PTPRD: variants seen among roughly 807,000 people sequenced by gnomAD.
PTPRD encodes receptor-type tyrosine-protein phosphatase delta.
Under a neutral mutation model 214.5 loss-of-function variants are expected in PTPRD, and 34 were observed. The observed-to-expected ratio is 0.16, with a 90% CI of 0.12 to 0.21. The LOEUF (loss-of-function observed/expected upper bound fraction) is 0.21. Among genes scored for constraint, PTPRD ranks in the 10% least tolerant of loss-of-function variants. The probability of loss-of-function intolerance (pLI) is 1.00; values close to 1 mark genes in which losing one functional copy is unlikely to be tolerated. For synonymous variants in PTPRD, 1,128 were observed against 845.7 expected, an observed-to-expected ratio of 1.33 and a Z score of -5.79; for missense variants, 2,545 against 2,398.7, an observed-to-expected ratio of 1.06 and a Z score of -1.27.
At chr9:9,664,180 A>T (rs1050826143) in intron 7 of PTPRD, among the ~76,000 whole-genome samples, 13 of 151,342 alleles carry the variant, frequency 8.6e-5, no homozygotes, top group African/African-American at 3.1e-4. Context: ...CTGGCTTTAA[A>T]ATTAAAATTA....
intron 5 of PTPRD, among the ~76,000 whole-genome samples, chr9:9,792,534 G>GA (rs2098975238): frequency 6.6e-6 from 1 of 151,966 alleles, no homozygotes; most frequent in African/African-American, 2.4e-5. Context: ...AGCCCTGGAG[G>GA]AAAAAATAGA....
At chr9:10,037,922 T>C (rs1359944997) in intron 3 of PTPRD, among the ~76,000 whole-genome samples, 1 of 152,168 alleles carries the variant, frequency 6.6e-6, no homozygotes, top group Non-Finnish European at 1.5e-5. Flanking sequence ...TTCAGTAATG[T>C]TCTCTCAAAA....
chr9:10,052,190 T>G (rs2097547273), intron 3 of PTPRD, among the ~76,000 whole-genome samples: 1 of 152,200 alleles, frequency 6.6e-6, no homozygotes, highest in South Asian at 2.1e-4. Context: ...CATTGTAATC[T>G]GATCTTCATA....
rs151169254 is a variant in PTPRD at position 9,280,025 on chromosome 9, G to A, written c.-202-96662C>T. ...GTTATTGGGTTGTTTCCAATGTACC[G>A]CAATTACAAACAATGCTTTAGCATA... On this transcript the variant is annotated intron_variant, in intron 9 of 45. Coordinates refer to ENST00000381196, the MANE Select transcript of PTPRD (RefSeq NM_002839.4). Among the ~76,000 whole-genome samples the A allele has an allele frequency of 6.3e-3, 948 of 151,288 alleles. 12 individuals carry two copies. The highest frequency in any genetic ancestry group is 0.022 in the African/African-American group (899 of 41,408).
intron 7 of PTPRD, among the ~76,000 whole-genome samples, chr9:9,642,000 G>T (rs1320187801): frequency 6.6e-6 from 1 of 151,238 alleles, no homozygotes; most frequent in Admixed American, 6.6e-5. Context: ...CAATAGCAAA[G>T]ACTTGGAACC....
At chr9:10,418,367 C>A (rs1213446787) in intron 2 of PTPRD, among the ~76,000 whole-genome samples, 1 of 151,002 alleles carries the variant, frequency 6.6e-6, no homozygotes, top group African/African-American at 2.4e-5. Context: ...GTTAATTAAA[C>A]AGAAAGTAGG....
At position 9,284,102 on chromosome 9, in the gene PTPRD, T is replaced by G. The variant is rs893255094; in HGVS notation, c.-202-100739A>C. ...TTATTGGTGTTCTTAGCTATCCAAG[T>G]AATGTTCAGGATTAGTCAGAGGAAC... On this transcript the variant is annotated intron_variant, in intron 9 of 45. Transcript: ENST00000381196. Among the ~76,000 whole-genome samples the G allele has an allele frequency of 4.0e-5, 6 of 151,676 alleles. No individual in the cohort carries two copies. The East Asian group carries it at 9.8e-4, about 25-fold the overall frequency.
chr9:9,063,821 C>A (rs189199284), intron 10 of PTPRD, among the ~76,000 whole-genome samples: 1 of 152,168 alleles, frequency 6.6e-6, no homozygotes, highest in Non-Finnish European at 1.5e-5. Context: ...AAGTATCCGG[C>A]AGTTTTCCCA....
In PTPRD at chr9:9,331,625, G is replaced by A. The variant is rs75471614; in HGVS notation, c.-203+65824C>T. Among the ~76,000 whole-genome samples, 897 of 152,108 alleles carry A rather than the reference G, an allele frequency of 5.9e-3. 8 individuals carry two copies. Among genetic ancestry groups the A allele is most frequent in the African/African-American group, 0.021 (856 of 41,506 alleles). Reference sequence around the variant, plus strand: ...TACAAATTGAAAGCCAGAGAATACCGTCTTGCTAAGATTCTCAGAGTGTAC... The same window carrying A: ...TACAAATTGAAAGCCAGAGAATACCATCTTGCTAAGATTCTCAGAGTGTAC... On this transcript the variant is annotated intron_variant, in intron 9 of 45. Coordinates refer to ENST00000381196, the MANE Select transcript of PTPRD (RefSeq NM_002839.4).
rs3075574 is a variant in PTPRD at position 10,182,259 on chromosome 9, C to CAAAAAAAAAAAAAAAA, written c.-544-148485_-544-148470dup. ...TGGGCAGCACAGTGAGACTCTGCCT[C>CAAAAAAAAAAAAAAAA]AAAAAAAAAAAAAAAAAAAAGAAAA... On this transcript the variant is annotated intron_variant, in intron 3 of 45. Transcript: ENST00000381196. Among the ~76,000 whole-genome samples, 79 of 54,298 alleles carry CAAAAAAAAAAAAAAAA rather than the reference C, an allele frequency of 1.5e-3. 1 individual carries two copies. Among genetic ancestry groups the CAAAAAAAAAAAAAAAA allele is most frequent in the African/African-American group, 2.7e-3 (34 of 12,500 alleles). 35.6% of individuals were successfully genotyped at this position (54,298 alleles called of 152,430 possible). A position where few individuals can be genotyped will look rare whatever the true frequency, so the allele number is the denominator to read the frequency against.
At chr9:10,008,345 C>A (rs956177588) in intron 4 of PTPRD, among the ~76,000 whole-genome samples, 1 of 151,952 alleles carries the variant, frequency 6.6e-6, no homozygotes, top group African/African-American at 2.4e-5. Context: ...ATTCAACCAG[C>A]ATTCCTTCCT....
At chr9:9,630,605 C>T (rs1386864808) in intron 7 of PTPRD, among the ~76,000 whole-genome samples, 3 of 152,020 alleles carry the variant, frequency 2.0e-5, no homozygotes, top group African/African-American at 4.8e-5. Context: ...AGTAAAATGC[C>T]ATTTAAAAGA....
chr9:10,005,895 T>C (rs2096463517), intron 4 of PTPRD, among the ~76,000 whole-genome samples: 1 of 152,040 alleles, frequency 6.6e-6, no homozygotes, highest in Non-Finnish European at 1.5e-5. Flanking sequence ...TGGTAAATGC[T>C]TAATTAAATA....
intron 2 of PTPRD, among the ~76,000 whole-genome samples, chr9:10,440,390 A>T (rs573140444): frequency 6.6e-6 from 1 of 151,954 alleles, no homozygotes; most frequent in Non-Finnish European, 1.5e-5. Flanking sequence ...CAGTACTATC[A>T]TATAAATCAT....
intron 14 of PTPRD, among the ~76,000 whole-genome samples, chr9:8,552,994 A>G (rs909868201): frequency 2.0e-5 from 3 of 152,146 alleles, no homozygotes; most frequent in Non-Finnish European, 4.4e-5. Flanking sequence ...ACCCTGCCAC[A>G]TGACCACAGA....
Position 8,676,810 on chromosome 9 carries a change from G to C in PTPRD, c.65-39966C>G, listed in dbSNP as rs376667393. Among the ~76,000 whole-genome samples the C allele has an allele frequency of 1.5e-3, 229 of 152,242 alleles. 2 individuals are homozygous for C. Among genetic ancestry groups the C allele is most frequent in the African/African-American group, 5.3e-3 (219 of 41,560 alleles). The stretch of plus-strand genomic sequence containing the variant: ...GCTGGTCTCGAACTCCTGACCTCAG[G>C]TGATCCACCCGCCTTGGCCTCCCAA... On this transcript the variant is annotated intron_variant, in intron 12 of 45. Coordinates refer to ENST00000381196, the MANE Select transcript of PTPRD (RefSeq NM_002839.4).
intron 2 of PTPRD, among the ~76,000 whole-genome samples, chr9:10,361,693 C>T (rs2097396146): frequency 6.6e-6 from 1 of 152,210 alleles, no homozygotes; most frequent in South Asian, 2.1e-4. Flanking sequence ...ATTATATGAT[C>T]GTTCATTAAC....
At position 9,946,911 on chromosome 9, in the gene PTPRD, C is replaced by T. The variant is rs185686355; in HGVS notation, c.-471-8301G>A. 8.4e-4 allele frequency among the ~76,000 whole-genome samples: 128 copies of T among 152,000 alleles called. 1 individual carries two copies. The highest frequency in any genetic ancestry group is 2.9e-3 in the African/African-American group (119 of 41,464). On this transcript the variant is annotated intron_variant, in intron 4 of 45. Coordinates refer to ENST00000381196, the MANE Select transcript of PTPRD (RefSeq NM_002839.4). ...GCAGAACTATGAATATTTGCTGACA[C>T]ATTATCATTTTTACAATGCAAATGA... is the stretch of plus-strand genomic sequence containing the variant.
intron 11 of PTPRD, among the ~76,000 whole-genome samples, chr9:8,981,299 A>G (rs568373763): frequency 3.9e-5 from 6 of 152,158 alleles, no homozygotes; most frequent in African/African-American, 1.4e-4. Context: ...TTTTAGGAAA[A>G]GTTTTTAATT....
Sources: allele counts gnomAD v4.1 joint callset (sites outside exome capture counted in the v4.1 genomes callset), GRCh38; gene constraint gnomAD v4.1.1; transcripts MANE v1.5; gene names NCBI Gene and HGNC (gene_info 2026-07-23, HGNC 2026-07-21).